LMO3: variants seen among roughly 807,000 people sequenced by gnomAD.
LMO3 encodes the protein LIM domain only 3, also known as LIM domain only protein 3.
LMO3 carries 2 observed loss-of-function variants against 15.8 expected under a neutral mutation model. The ratio of observed to expected loss-of-function variants is 0.13; its 90% CI spans 0.05 to 0.40. LMO3 has a LOEUF of 0.40. LMO3 is among the 10% of genes least tolerant of loss of function. The pLI, the probability that LMO3 is intolerant of heterozygous loss-of-function variation, is 0.99. For missense variants in LMO3, 86 were observed against 182.2 expected (o/e 0.47, Z 3.04); for synonymous variants, 62 against 63.8 (o/e 0.97, Z 0.13).
chr12:16,566,398 C>A (rs564907452), intron 2 of LMO3, among the ~76,000 whole-genome samples: 1 of 151,824 alleles, frequency 6.6e-6, no homozygotes, highest in African/African-American at 2.4e-5. Context: ...AGAAGAGAAG[C>A]TTTTGAATGT....
At position 16,586,658 on chromosome 12, in the gene LMO3, C is replaced by A; in HGVS notation, c.206+13997G>T. ...CCTGTCCTAGGATGTGGCAATAAGG[C>A]TATACCGTCGGGGTAGAGATTTCAA... On this transcript the variant is annotated intron_variant, in intron 2 of 3. Transcript: ENST00000537304. This position sits in a 1 kb window ranked among gnomAD's most constrained non-coding sequence, Gnocchi z 4.3. 6.6e-6 allele frequency among the ~76,000 whole-genome samples: 1 copy of A among 152,180 alleles called. No individual in the cohort carries two copies. The highest frequency in any genetic ancestry group is 1.5e-5 in the Non-Finnish European group (1 of 68,030).
At chr12:16,588,805 T>G (rs1943402262) in intron 2 of LMO3, among the ~76,000 whole-genome samples, 2 of 152,092 alleles carry the variant, frequency 1.3e-5, no homozygotes, top group African/African-American at 4.8e-5. Flanking sequence ...TATTAATCAC[T>G]CTTAAACCTC....
intron 2 of LMO3, among the ~76,000 whole-genome samples, chr12:16,561,933 CAAG>C (rs1445455680): frequency 1.3e-5 from 2 of 152,108 alleles, no homozygotes; most frequent in Non-Finnish European, 2.9e-5. Context: ...AGTTTACATT[CAAG>C]AAGATCAAAT....
chr12:16,556,445 G>T (rs1339000174), intron 3 of LMO3, among the ~76,000 whole-genome samples: 5 of 152,112 alleles, frequency 3.3e-5, no homozygotes, highest in Non-Finnish European at 7.4e-5. Context: ...AATCCTGAAA[G>T]GTTATTATTA....
rs1942168819 is a variant in LMO3 at position 16,555,784 on chromosome 12, T to C, written c.333-4457A>G. Among the ~76,000 whole-genome samples, 1 of 152,198 alleles carries C rather than the reference T, an allele frequency of 6.6e-6. No individual in the cohort carries two copies. The highest frequency in any genetic ancestry group is 1.5e-5 in the Non-Finnish European group (1 of 68,034). On this transcript the variant is annotated intron_variant, in intron 3 of 3. Transcript: ENST00000537304. This position sits in a 1 kb window ranked among gnomAD's most constrained non-coding sequence, Gnocchi z 5.5. ...ACATCTGCATGCCTTTGCACGTTGC[T>C]CAATTTGCCTGAAAATTCCTTTCCT... is the stretch of plus-strand genomic sequence containing the variant.
At chr12:16,551,934 A>C (rs1397584084) in intron 3 of LMO3, among the ~76,000 whole-genome samples, 1 of 151,968 alleles carries the variant, frequency 6.6e-6, no homozygotes, top group Non-Finnish European at 1.5e-5. Flanking sequence ...TGTTTGTGGC[A>C]AGTTCACCAA....
intron 2 of LMO3, chr12:16,594,255 T>C (rs1943579961): frequency 6.5e-7 from 1 of 1,527,428 alleles, no homozygotes; most frequent in Non-Finnish European, 8.8e-7. Flanking sequence ...CCACACCTCT[T>C]CAAATGCTTA....
Position 16,604,743 on chromosome 12 carries a change from A to T in LMO3, c.-9+1323T>A. On this transcript the variant is annotated intron_variant, in intron 1 of 3. Coordinates refer to ENST00000537304, the MANE Select transcript of LMO3 (RefSeq NM_018640.5). The surrounding 1 kb of genome is among the most constrained non-coding windows in gnomAD (Gnocchi z 5.3). ...TAAGCAGCAGTCTTTCAAAGCAGTT[A>T]CAACAATAATATTTCGGTTCTTTCA... The T allele has an allele frequency of 1.9e-6, 2 of 1,078,724 alleles. No individual in the cohort carries two copies. Among genetic ancestry groups the T allele is most frequent in the Non-Finnish European group, 2.8e-6 (2 of 719,816 alleles). The allele number at this position is 1,078,724 out of a possible 1,614,324, so 66.8% of individuals were successfully genotyped here. A position where few individuals can be genotyped will look rare whatever the true frequency, so the allele number is the denominator to read the frequency against.
intron 2 of LMO3, among the ~76,000 whole-genome samples, chr12:16,569,851 G>T (rs571553275): frequency 6.6e-6 from 1 of 152,118 alleles, no homozygotes; most frequent in Non-Finnish European, 1.5e-5. Flanking sequence ...TAACACATAT[G>T]TACTAAAACA....
At chr12:16,590,647 C>A (rs1456112427) in intron 2 of LMO3, among the ~76,000 whole-genome samples, 2 of 151,834 alleles carry the variant, frequency 1.3e-5, no homozygotes, top group Non-Finnish European at 2.9e-5. Flanking sequence ...AGTTTGATGA[C>A]ATCTTTGGTC....
intron 2 of LMO3, chr12:16,594,232 T>C (rs1190389987): frequency 6.5e-7 from 1 of 1,532,236 alleles, no homozygotes; most frequent in African/African-American, 1.4e-5. Context: ...GTGCAGCATG[T>C]ATGTATATAG....
intron 2 of LMO3, among the ~76,000 whole-genome samples, chr12:16,578,994 G>A (rs1943079065): frequency 6.6e-6 from 1 of 152,134 alleles, no homozygotes; most frequent in Admixed American, 6.5e-5. Flanking sequence ...TTAAGGTCTA[G>A]TATATTACAT....
rs1198336060 is a variant in LMO3 at position 16,586,612 on chromosome 12, A to G, written c.206+14043T>C. On this transcript the variant is annotated intron_variant, in intron 2 of 3. Coordinates refer to ENST00000537304, the MANE Select transcript of LMO3 (RefSeq NM_018640.5). This position sits in a 1 kb window ranked among gnomAD's most constrained non-coding sequence, Gnocchi z 4.3. ...TCATCTTTGGACGTCCTTTCTTGGC[A>G]GGACCACTTGTCTCCCAAAGCCTGT... Among the ~76,000 whole-genome samples, 1 of 152,224 alleles carries G rather than the reference A, an allele frequency of 6.6e-6. No homozygotes were observed. The highest frequency in any genetic ancestry group is 1.5e-5 in the Non-Finnish European group (1 of 68,038).
intron 2 of LMO3, among the ~76,000 whole-genome samples, chr12:16,588,216 TG>T (rs1943380689): frequency 6.6e-6 from 1 of 151,964 alleles, no homozygotes; most frequent in African/African-American, 2.4e-5. Context: ...ATTTTTAAAA[TG>T]TATAATAAAG....
In LMO3 at chr12:16,550,495, C is replaced by G. The variant is rs1441058611; in HGVS notation, c.*727G>C. The G allele has an allele frequency of 6.6e-6, 1 of 152,314 alleles. No homozygotes were observed. Among genetic ancestry groups the G allele is most frequent in the Non-Finnish European group, 1.5e-5 (1 of 67,874 alleles). 9.4% of individuals were successfully genotyped at this position (152,314 alleles called of 1,614,324 possible). ...AAACCTGTTAAGCTTTAAAGTTATT[C>G]TAAAAATGGCACTTTTCACGTTGGT... On this transcript the variant is annotated 3_prime_UTR_variant, in exon 4 of 4. Transcript: ENST00000537304.
At position 16,559,163 on chromosome 12, in the gene LMO3, T is replaced by C. The variant is rs1942298643; in HGVS notation, c.332+1250A>G. Among the ~76,000 whole-genome samples, 1 of 152,192 alleles carries C rather than the reference T, an allele frequency of 6.6e-6. No homozygotes were observed. The highest frequency in any genetic ancestry group is 1.5e-5 in the Non-Finnish European group (1 of 68,018). On this transcript the variant is annotated intron_variant, in intron 3 of 3. Coordinates refer to ENST00000537304, the MANE Select transcript of LMO3 (RefSeq NM_018640.5). The surrounding 1 kb of genome is among the most constrained non-coding windows in gnomAD (Gnocchi z 4.1). ...TATTGATTATATACTCTGCCAGGTG[T>C]TCTCACAGAAAGTCAGTGAATTCAT...
rs1943940507 is a variant in LMO3, at chr12:16,604,984, G to T, written c.-9+1082C>A. Reference sequence around the variant, plus strand: ...AGGGGGTCTCCTTGATTTCGCTTAAGTGTGGACCTGGTGCGCAGCCTACAC... The same window carrying T: ...AGGGGGTCTCCTTGATTTCGCTTAATTGTGGACCTGGTGCGCAGCCTACAC... On this transcript the variant is annotated intron_variant, in intron 1 of 3. Transcript: ENST00000537304. This position sits in a 1 kb window ranked among gnomAD's most constrained non-coding sequence, Gnocchi z 5.3. 3 of 1,596,720 alleles carry T rather than the reference G, an allele frequency of 1.9e-6. No individual in the cohort carries two copies. The South Asian group carries it at 3.3e-5, about 18-fold the overall frequency.
intron 3 of LMO3, 36 bp from the exon 4 acceptor site, chr12:16,551,363 C>A: frequency 8.3e-7 from 1 of 1,201,388 alleles, no homozygotes; most frequent in Non-Finnish European, 1.2e-6. Context: ...GTGGTTAAGA[C>A]CATTTCACTT....
intron 2 of LMO3, among the ~76,000 whole-genome samples, chr12:16,574,975 A>G (rs1314412886): frequency 2.0e-5 from 3 of 152,180 alleles, no homozygotes; most frequent in South Asian, 2.1e-4. Flanking sequence ...CTTACCCTCA[A>G]TTGAAGTATG....
Sources: gnomAD v4.1 joint callset for allele counts (sites outside exome capture counted in the v4.1 genomes callset) on GRCh38, gnomAD v4.1.1 for gene constraint, Gnocchi (gnomAD v3.1) non-coding constraint, MANE v1.5 for transcripts, NCBI Gene and HGNC (gene_info 2026-07-23, HGNC 2026-07-21) for gene names.